The following FBXL7 variants were observed in gnomAD, a reference collection of about 807,000 sequenced individuals.
FBXL7 encodes F-box/LRR-repeat protein 7.
Under a neutral mutation model 38.3 loss-of-function variants are expected in FBXL7, and 12 were observed. The ratio of observed to expected loss-of-function variants is 0.31; its 90% CI spans 0.20 to 0.51. The LOEUF (loss-of-function observed/expected upper bound fraction) is 0.51, where lower values mean the gene tolerates loss of function less well. Among genes scored for constraint, FBXL7 ranks in the 20% least tolerant of loss-of-function variants. FBXL7 has a pLI of 0.98. For missense variants in FBXL7, 567 were observed against 676.4 expected, an observed-to-expected ratio of 0.84 and a Z score of 1.79; for synonymous variants, 297 against 300.9, an observed-to-expected ratio of 0.99 and a Z score of 0.13.
chr5:15,566,537 G>A (rs575041188), intron 1 of FBXL7, among the ~76,000 whole-genome samples: 132 of 152,228 alleles, frequency 8.7e-4, no homozygotes, highest in African/African-American at 3.0e-3. Flanking sequence ...ACATGACTCA[G>A]AGCAGACACT....
chr5:15,744,092 T>G (rs759084184), intron 2 of FBXL7, among the ~76,000 whole-genome samples: 1 of 152,240 alleles, frequency 6.6e-6, no homozygotes, highest in Non-Finnish European at 1.5e-5. Flanking sequence ...ACCTCTGACA[T>G]GTCCTGGAGA....
intron 2 of FBXL7, among the ~76,000 whole-genome samples, chr5:15,864,967 A>G (rs1739642445): frequency 6.6e-6 from 1 of 152,188 alleles, no homozygotes; most frequent in Non-Finnish European, 1.5e-5. Flanking sequence ...CTAAATTCAG[A>G]CATTCTGTGA....
intron 1 of FBXL7, among the ~76,000 whole-genome samples, chr5:15,535,987 G>T: frequency 6.6e-6 from 1 of 152,268 alleles, no homozygotes; most frequent in East Asian, 1.9e-4. Flanking sequence ...GGGCCTTGCT[G>T]CTCTGTGCAG....
chr5:15,503,142 C>T (rs753362861), intron 1 of FBXL7, among the ~76,000 whole-genome samples: 16 of 152,182 alleles, frequency 1.1e-4, no homozygotes, highest in Non-Finnish European at 1.9e-4. Flanking sequence ...TAGCTGAGGT[C>T]GGGCGCGGTG....
chr5:15,733,203 C>T (rs1301794543), intron 2 of FBXL7, among the ~76,000 whole-genome samples: 1 of 152,122 alleles, frequency 6.6e-6, no homozygotes, highest in Admixed American at 6.5e-5. Context: ...AATCAATTAT[C>T]TGCCTCACCC....
At chr5:15,789,221 T>G (rs1175131654) in intron 2 of FBXL7, among the ~76,000 whole-genome samples, 1 of 152,094 alleles carries the variant, frequency 6.6e-6, no homozygotes, top group African/African-American at 2.4e-5. Context: ...TTTTTGTTGT[T>G]GTTAGCAGCC....
intron 2 of FBXL7, among the ~76,000 whole-genome samples, chr5:15,875,222 G>A (rs1271557818): frequency 6.6e-6 from 1 of 152,158 alleles, no homozygotes; most frequent in Non-Finnish European, 1.5e-5. Context: ...GCAGAAAGTT[G>A]ACACTGGACC....
intron 2 of FBXL7, among the ~76,000 whole-genome samples, chr5:15,634,139 T>C (rs1741094349): frequency 6.6e-6 from 1 of 152,074 alleles, no homozygotes; most frequent in Non-Finnish European, 1.5e-5. Flanking sequence ...AATACATTCT[T>C]TAACGCATGC....
intron 2 of FBXL7, among the ~76,000 whole-genome samples, chr5:15,635,517 T>A (rs1449099065): frequency 1.3e-5 from 2 of 152,144 alleles, no homozygotes; most frequent in Non-Finnish European, 2.9e-5. Flanking sequence ...ATGACCCTGC[T>A]CCATGGGATG....
intron 2 of FBXL7, among the ~76,000 whole-genome samples, chr5:15,772,040 G>A (rs1311218734): frequency 1.3e-5 from 2 of 151,972 alleles, no homozygotes; most frequent in Non-Finnish European, 2.9e-5. Flanking sequence ...CAAAGTGCTG[G>A]AATTACAGGC....
chr5:15,832,040 T>A (rs1337545276), intron 2 of FBXL7, among the ~76,000 whole-genome samples: 1 of 152,076 alleles, frequency 6.6e-6, no homozygotes, highest in Non-Finnish European at 1.5e-5. Flanking sequence ...TGCTATAAAC[T>A]CTCTACTCTA....
chr5:15,927,617 C>CA (rs1169366775), intron 2 of FBXL7, among the ~76,000 whole-genome samples: 5 of 151,742 alleles, frequency 3.3e-5, no homozygotes, highest in African/African-American at 4.8e-5. Context: ...ACTAAAAATA[C>CA]AAAAAAACTT....
chr5:15,707,627 C>G (rs775624163), intron 2 of FBXL7, among the ~76,000 whole-genome samples: 2 of 152,144 alleles, frequency 1.3e-5, no homozygotes, highest in Non-Finnish European at 2.9e-5. Context: ...GGAGCAGAAG[C>G]TTGGAAGGCA....
intron 3 of FBXL7, among the ~76,000 whole-genome samples, chr5:15,931,829 C>A (rs181458803): frequency 1.3e-5 from 2 of 152,258 alleles, no homozygotes; most frequent in African/African-American, 4.8e-5. Context: ...TGCCCCTCCT[C>A]GAGAACTCTC....
intron 2 of FBXL7, among the ~76,000 whole-genome samples, chr5:15,884,191 A>T (rs1419326558): frequency 6.6e-6 from 1 of 152,206 alleles, no homozygotes; most frequent in East Asian, 1.9e-4. Context: ...GGAGAGAAAG[A>T]GTGAGCTCCC....
At chr5:15,754,305 G>A (rs887784855) in intron 2 of FBXL7, among the ~76,000 whole-genome samples, 2 of 152,178 alleles carry the variant, frequency 1.3e-5, no homozygotes. Context: ...GAGTAGAACT[G>A]AATAAGAGCA....
chr5:15,633,309 G>T (rs1317590046), intron 2 of FBXL7, among the ~76,000 whole-genome samples: 1 of 152,072 alleles, frequency 6.6e-6, no homozygotes, highest in Non-Finnish European at 1.5e-5. Flanking sequence ...TTAGAATTTT[G>T]TTGAATGTGA....
At chr5:15,729,672 T>G (rs936220963) in intron 2 of FBXL7, among the ~76,000 whole-genome samples, 1 of 152,144 alleles carries the variant, frequency 6.6e-6, no homozygotes, top group East Asian at 1.9e-4. Context: ...TAGACAAAAA[T>G]TTTTAATTAA....
chr5:15,569,659 G>T (rs1235836547), intron 1 of FBXL7, among the ~76,000 whole-genome samples: 1 of 151,912 alleles, frequency 6.6e-6, no homozygotes, highest in Non-Finnish European at 1.5e-5. Context: ...GGGCATCCCT[G>T]TCTTGTGCCA....
Sources: gnomAD v4.1 joint callset for allele counts (sites outside exome capture counted in the v4.1 genomes callset) on GRCh38, gnomAD v4.1.1 for gene constraint, MANE v1.5 for transcripts, NCBI Gene and HGNC (gene_info 2026-07-23, HGNC 2026-07-21) for gene names.